Variants in PDCD11 observed in about 807,000 individuals in gnomAD.
PDCD11 encodes protein RRP5 homolog.
A neutral mutation model predicts 198.9 loss-of-function variants in PDCD11; 97 were observed. That is an observed-to-expected ratio of 0.49 (90% CI 0.41 to 0.58). The LOEUF (loss-of-function observed/expected upper bound fraction) is 0.58. Ranked by LOEUF, PDCD11 falls within the 20% of genes least tolerant of loss-of-function variation. The pLI is 0.00. For synonymous variants in PDCD11, 893 were observed against 918.0 expected (o/e 0.97, Z 0.49); for missense variants, 2,102 against 2,312.7 (o/e 0.91, Z 1.87).
chr10:103,415,205 T>A (rs2031038713), intron 12 of PDCD11, 54 bp downstream of exon 12: 1 of 1,588,120 alleles, frequency 6.3e-7, no homozygotes, highest in Non-Finnish European at 8.6e-7. Flanking sequence ...AGAAAGCAGT[T>A]CTCAACTGAA....
At position 103,419,390 on chromosome 10, in the gene PDCD11, G is replaced by C. The variant is rs1056591417; in HGVS notation, c.2107-148G>C. 4 of 826,670 alleles carry C rather than the reference G, an allele frequency of 4.8e-6. No homozygotes were observed. In the African/African-American group the frequency reaches 6.9e-5, roughly 14 times the overall value. 51.2% of individuals were successfully genotyped at this position (826,670 alleles called of 1,614,324 possible). ...GCATTTCTCCTAAGTTTCAGGCGAT[G>C]TTGATGCTGCTGGTCTGCACACTTA... On this transcript the variant is annotated intron_variant, in intron 15 of 35. Transcript: ENST00000369797.
intron 35 of PDCD11, 48 bp downstream of exon 35, chr10:103,444,730 G>T (rs904569140): frequency 9.0e-6 from 14 of 1,560,736 alleles, no homozygotes; most frequent in African/African-American, 1.4e-5. Context: ...AGAGGGCGTG[G>T]TAGGCACTGG....
chr10:103,413,098 G>A lies in PDCD11; in HGVS notation c.979-18G>A. 1 of 1,609,980 alleles carries A rather than the reference G, an allele frequency of 6.2e-7. No homozygotes were observed. The highest frequency in any genetic ancestry group is 1.3e-5 in the African/African-American group (1 of 74,924). On this transcript the variant is annotated intron_variant, in intron 8 of 35. Transcript: ENST00000369797. ...CTGTGTGCCTCCTCCTGCTCACCCT[G>A]CCCTTCCTTTTGTCTAGGTGAGGGC...
chr10:103,428,851 G>T (rs2031807782), intron 21 of PDCD11, among the ~76,000 whole-genome samples: 1 of 152,272 alleles, frequency 6.6e-6, no homozygotes, highest in African/African-American at 2.4e-5. Context: ...GGTGGGAGAT[G>T]TAGAGTTATA....
intron 21 of PDCD11, 56 bp downstream of exon 21, chr10:103,427,447 A>C: frequency 7.5e-7 from 1 of 1,332,392 alleles, no homozygotes; most frequent in Non-Finnish European, 1.0e-6. Context: ...CTTTGGAATT[A>C]GGAATCCCGA....
rs1006813257 is a variant in PDCD11, at chr10:103,413,288, T to C, written c.1151T>C (p.Phe384Ser). The part of the protein sequence containing the change: ...QGFFKKAGAT[F>S]RLKDGVLAYA... ...TTTTTCAAAAAGGCTGGGGCCACCT[T>C]TAGGCTGAAGGATGGGGTTCTGGCC... Residue 384 changes from phenylalanine to serine, a missense_variant, in exon 9 of 36, where the codon TTT (phenylalanine) becomes TCT (serine). Physicochemically the swap from Phe to Ser is radical, Grantham distance 155. Transcript: ENST00000369797. 1.2e-6 allele frequency: 2 copies of C among 1,614,198 alleles called. No individual in the cohort carries two copies. Among genetic ancestry groups the C allele is most frequent in the Non-Finnish European group, 1.7e-6 (2 of 1,180,018 alleles).
intron 19 of PDCD11, 135 bp from the exon 20 acceptor site, chr10:103,424,849 A>T: frequency 1.1e-6 from 1 of 885,290 alleles, no homozygotes. Flanking sequence ...AGTCTGTTCC[A>T]GCTCAGACCA....
At chr10:103,414,920 G>T (rs1166729576) in intron 11 of PDCD11, 85 bp from the exon 12 acceptor site, 2 of 1,458,376 alleles carry the variant, frequency 1.4e-6, no homozygotes, top group South Asian at 1.2e-5. Flanking sequence ...TGGCTGTGAA[G>T]GGGAGGTATG....
chr10:103,438,061 C>T lies in PDCD11; in HGVS notation c.3892C>T (p.Arg1298Ter), dbSNP rs777499221. The change falls in exon 26 of 36, where the codon CGA (arginine) becomes TGA (stop). Residue 1298 changes from arginine (R) to a stop codon, truncating the protein, a stop_gained. Coordinates refer to ENST00000369797, the MANE Select transcript of PDCD11 (RefSeq NM_014976.2). LOFTEE classifies it high-confidence loss of function. Reference protein sequence around the residue: ...TADNVLTLSLRSSRTNPETKS... With the variant: ...TADNVLTLSL ...AGACAACGTATTGACTTTGTCGCTG[C>T]GATCATCCAGGTGGGTTTCTGTGTT... 8.7e-6 allele frequency: 14 copies of T among 1,613,164 alleles called. No individual in the cohort carries two copies. Among genetic ancestry groups the T allele is most frequent in the South Asian group, 2.2e-5 (2 of 91,062 alleles).
chr10:103,431,443 A>C (rs2031929685), intron 21 of PDCD11, among the ~76,000 whole-genome samples: 1 of 151,900 alleles, frequency 6.6e-6, no homozygotes, highest in African/African-American at 2.4e-5. Flanking sequence ...ATACAAAGAA[A>C]TTAGCTGGGT....
intron 7 of PDCD11, among the ~76,000 whole-genome samples, chr10:103,408,372 A>G (rs1323996168): frequency 1.3e-5 from 2 of 152,036 alleles, no homozygotes; most frequent in Non-Finnish European, 2.9e-5. Context: ...AGTGTGGTAC[A>G]TTATCCAGAA....
Position 103,425,187 on chromosome 10 carries a change from CCTT to C in PDCD11, c.2971_2973del (p.Leu992del), listed in dbSNP as rs1475742885. ...AGACCACAGAACCAGGAGTGACTGG[CCTT>C]CTTTTGGCTGTGGAGGGGCCGGCTG... On this transcript the variant is annotated inframe_deletion, in exon 20 of 36. Coordinates refer to ENST00000369797, the MANE Select transcript of PDCD11 (RefSeq NM_014976.2). 8.1e-6 allele frequency: 13 copies of C among 1,614,162 alleles called. No homozygotes were observed. Among genetic ancestry groups the C allele is most frequent in the Non-Finnish European group, 3.4e-6 (4 of 1,180,022 alleles).
intron 21 of PDCD11, among the ~76,000 whole-genome samples, chr10:103,428,950 T>G (rs1033380077): frequency 2.0e-5 from 3 of 152,222 alleles, no homozygotes; most frequent in South Asian, 2.1e-4. Context: ...GTACTGTGAC[T>G]TGTTTTAATC....
chr10:103,412,510 C>T (rs1371573725), intron 8 of PDCD11, among the ~76,000 whole-genome samples: 7 of 152,082 alleles, frequency 4.6e-5, no homozygotes, highest in South Asian at 4.1e-4. Context: ...TTAGTAGAGA[C>T]GGGGTTTCAC....
intron 28 of PDCD11, 111 bp downstream of exon 28, chr10:103,439,979 G>GGT: frequency 7.5e-7 from 1 of 1,327,474 alleles, no homozygotes. Flanking sequence ...CTTGCGTAGT[G>GGT]GTGTTCAGAT....
intron 12 of PDCD11, among the ~76,000 whole-genome samples, chr10:103,415,604 G>T (rs987633303): frequency 6.6e-6 from 1 of 152,198 alleles, no homozygotes; most frequent in Admixed American, 6.5e-5. Context: ...TTCATTTTGC[G>T]GGTGGGGAAA....
In PDCD11 at chr10:103,436,446, A is replaced by G. The variant is rs1377056941; in HGVS notation, c.3845+1471A>G. On this transcript the variant is annotated intron_variant, in intron 25 of 35. Coordinates refer to ENST00000369797, the MANE Select transcript of PDCD11 (RefSeq NM_014976.2). ...AACTAAACTTGAGGAGACAGATTTC[A>G]GCTGCATCCAGTAGTCAACTGACAG... Among the ~76,000 whole-genome samples the G allele has an allele frequency of 4.6e-5, 7 of 152,348 alleles. No homozygotes were observed. In the South Asian group the frequency reaches 8.3e-4, roughly 18 times the overall value.
At chr10:103,401,301 C>A (rs1232102484) in intron 3 of PDCD11, among the ~76,000 whole-genome samples, 1 of 151,744 alleles carries the variant, frequency 6.6e-6, no homozygotes, top group Non-Finnish European at 1.5e-5. Flanking sequence ...GAGACGGAAT[C>A]TCTCTCTGTT....
intron 24 of PDCD11, chr10:103,434,560 T>G: frequency 1.7e-6 from 1 of 594,554 alleles, no homozygotes; most frequent in South Asian, 2.2e-5. Flanking sequence ...CCTATACAGG[T>G]TACCCTTACC....
Sources: gnomAD v4.1 joint callset for allele counts (sites outside exome capture counted in the v4.1 genomes callset) on GRCh38, gnomAD v4.1.1 for gene constraint, MANE v1.5 for transcripts, NCBI Gene and HGNC (gene_info 2026-07-23, HGNC 2026-07-21) for gene names.